ABI3BP: variants seen among roughly 807,000 people sequenced by gnomAD.
ABI3BP encodes the protein ABI family member 3 binding protein.
ABI3BP carries 216 observed loss-of-function variants against 268.6 expected under a neutral mutation model. The ratio of observed to expected loss-of-function variants is 0.80; its 90% CI spans 0.72 to 0.90. The LOEUF (loss-of-function observed/expected upper bound fraction) is 0.90, where lower values mean the gene tolerates loss of function less well. ABI3BP is among the 40% of genes least tolerant of loss of function. The pLI is 0.00. For missense variants in ABI3BP, 2,090 were observed against 2,182.4 expected (o/e 0.96, Z 0.84); for synonymous variants, 730 against 730.0 (o/e 1.00, Z 0.00).
In ABI3BP at chr3:100,813,173, GC is replaced by G. The variant is rs1438242472; in HGVS notation, c.3364+487del. ...TGGGATTACAGGTGTGAGCCACTAT[GC>G]CTGGCCTATTTACAAGCTTGAAGGG... is the stretch of plus-strand genomic sequence containing the variant. On this transcript the variant is annotated intron_variant, in intron 45 of 67. Transcript: ENST00000471714. Among the ~76,000 whole-genome samples, 13 of 152,282 alleles carry G rather than the reference GC, an allele frequency of 8.5e-5. No homozygotes were observed. The East Asian group carries it at 2.5e-3, about 29-fold the overall frequency.
intron 4 of ABI3BP, among the ~76,000 whole-genome samples, chr3:100,896,169 G>A (rs750508791): frequency 1.3e-5 from 2 of 152,182 alleles, no homozygotes; most frequent in Non-Finnish European, 2.9e-5. Context: ...ATATTGTGAT[G>A]TGATGTGCCT....
chr3:100,815,781 T>A, intron 44 of ABI3BP, 131 bp downstream of exon 44: 1 of 601,648 alleles, frequency 1.7e-6, no homozygotes, highest in African/African-American at 1.9e-5. Flanking sequence ...AACTGCTGAC[T>A]ATTTTAAAAT....
At chr3:100,917,771 T>G (rs1460976678) in intron 2 of ABI3BP, among the ~76,000 whole-genome samples, 2 of 152,192 alleles carry the variant, frequency 1.3e-5, no homozygotes, top group Non-Finnish European at 2.9e-5. Context: ...AAAGATAGAC[T>G]TGGTGACAGT....
chr3:100,814,206 A>G (rs184997826), intron 44 of ABI3BP, among the ~76,000 whole-genome samples: 1 of 152,286 alleles, frequency 6.6e-6, no homozygotes, highest in East Asian at 1.9e-4. Flanking sequence ...CCTGATTCAA[A>G]ATGTCCTTCT....
chr3:100,793,056 G>A lies in ABI3BP; in HGVS notation c.3947-288C>T, dbSNP rs984252288. On this transcript the variant is annotated intron_variant, in intron 54 of 67. Coordinates refer to ENST00000471714, the MANE Select transcript of ABI3BP (RefSeq NM_001375547.2). ...CTAGTTGTGGCTATTCTTGGATATG[G>A]CTCATGTATGAAAGTCTCCTAGTTG... Among the ~76,000 whole-genome samples the A allele has an allele frequency of 4.5e-4, 68 of 151,602 alleles. 2 individuals carry two copies. Among genetic ancestry groups the A allele is most frequent in the Admixed American group, 1.3e-4 (2 of 15,176 alleles).
chr3:100,951,588 T>A (rs2075050492), intron 1 of ABI3BP, among the ~76,000 whole-genome samples: 1 of 151,982 alleles, frequency 6.6e-6, no homozygotes, highest in Non-Finnish European at 1.5e-5. Flanking sequence ...ACCATCATTA[T>A]CTTTCTCAAA....
At chr3:100,861,001 C>T (rs2098992336) in intron 14 of ABI3BP, among the ~76,000 whole-genome samples, 2 of 152,138 alleles carry the variant, frequency 1.3e-5, no homozygotes, top group South Asian at 2.1e-4. Context: ...CAGAGGCTCA[C>T]TCAGTATGAA....
At chr3:100,850,218 C>G in intron 16 of ABI3BP, 99 bp from the exon 17 acceptor site, 1 of 995,400 alleles carries the variant, frequency 1.0e-6, no homozygotes. Flanking sequence ...GCACATGCCA[C>G]GAGTACATGA....
At chr3:100,881,603 T>A (rs2039284846) in intron 6 of ABI3BP, among the ~76,000 whole-genome samples, 1 of 151,914 alleles carries the variant, frequency 6.6e-6, no homozygotes, top group African/African-American at 2.4e-5. Context: ...CTTTATTTTT[T>A]AAAATAATAA....
At chr3:100,844,158 ATC>A in intron 20 of ABI3BP, 1 of 985,462 alleles carries the variant, frequency 1.0e-6, no homozygotes, top group Non-Finnish European at 1.2e-6. Flanking sequence ...TAAGCCACTC[ATC>A]TCAGCACAAA....
intron 41 of ABI3BP, among the ~76,000 whole-genome samples, chr3:100,817,871 CT>C (rs1322815132): frequency 3.9e-5 from 6 of 152,102 alleles, no homozygotes; most frequent in Admixed American, 1.3e-4. Context: ...TAACTACTGT[CT>C]AAGTAACTAT....
rs200430556 is a variant in ABI3BP at position 100,848,833 on chromosome 3, C to A, written c.1544G>T (p.Arg515Leu). Residue 515 changes from arginine to leucine, a missense_variant, in exon 18 of 68, where the codon CGC becomes CTC. Transcript: ENST00000471714. ...TTSIPSTPKR[R>L]PRPKPPRTKP... ...GGTTCTTGGCGGTTTGGGCCGGGGG[C>A]GTCGTTTAGGTGTAGAAGGGATAGA... is the stretch of plus-strand genomic sequence containing the variant. The A allele has an allele frequency of 1.9e-6, 3 of 1,612,882 alleles. No homozygotes were observed. In the South Asian group the frequency reaches 3.3e-5, roughly 18 times the overall value.
intron 63 of ABI3BP, among the ~76,000 whole-genome samples, chr3:100,762,690 C>T (rs10936355): frequency 0.37 from 55,737 of 151,966 alleles, 10,454 homozygotes; most frequent in South Asian, 0.48. Flanking sequence ...TTTAATATTT[C>T]AGCCCAAACA....
intron 38 of ABI3BP, among the ~76,000 whole-genome samples, chr3:100,821,629 G>C (rs2098230600): frequency 7.2e-6 from 1 of 138,742 alleles, no homozygotes; most frequent in Non-Finnish European, 1.5e-5. Context: ...TTGAGATGGA[G>C]TCTTGCTCTG....
chr3:100,811,405 G>A, intron 47 of ABI3BP, 128 bp from the exon 48 acceptor site: 1 of 698,646 alleles, frequency 1.4e-6, no homozygotes, highest in Admixed American at 3.1e-5. Flanking sequence ...ATTTAGACAG[G>A]AAAAAAGAAT....
At position 100,869,330 on chromosome 3, in the gene ABI3BP, G is replaced by GTTTTTTTTTTTTTTTTTTTT. The variant is rs144604645; in HGVS notation, c.911-2394_911-2375dup. Among the ~76,000 whole-genome samples, 262 of 49,758 alleles carry GTTTTTTTTTTTTTTTTTTTT rather than the reference G, an allele frequency of 5.3e-3. 51 individuals carry two copies. The highest frequency in any genetic ancestry group is 0.023 in the Middle Eastern group (1 of 44). 32.6% of individuals were successfully genotyped at this position (49,758 alleles called of 152,430 possible). A position where few individuals can be genotyped will look rare whatever the true frequency, so the allele number is the denominator to read the frequency against. On this transcript the variant is annotated intron_variant, in intron 9 of 67. Transcript: ENST00000471714. ...ATATTGTTTTTTCTTCTTCTTTTTG[G>GTTTTTTTTTTTTTTTTTTTT]TTTTTTTTTTTTTTTTTTTTTTTTT...
chr3:100,884,871 C>A (rs1363675138), intron 6 of ABI3BP, among the ~76,000 whole-genome samples: 1 of 152,078 alleles, frequency 6.6e-6, no homozygotes, highest in East Asian at 1.9e-4. Flanking sequence ...ATTTGAAATG[C>A]GAACATGTCT....
intron 4 of ABI3BP, among the ~76,000 whole-genome samples, chr3:100,887,719 G>T (rs959996937): frequency 5.3e-5 from 8 of 152,044 alleles, no homozygotes; most frequent in Non-Finnish European, 7.4e-5. Context: ...TAAGATTAAG[G>T]TTACTTGCTT....
At chr3:100,918,216 G>A (rs977789478) in intron 2 of ABI3BP, among the ~76,000 whole-genome samples, 15 of 151,494 alleles carry the variant, frequency 9.9e-5, no homozygotes, top group Non-Finnish European at 2.1e-4. Context: ...ATCTTAAATC[G>A]TACCCACAGC....
Sources: allele counts gnomAD v4.1 joint callset (sites outside exome capture counted in the v4.1 genomes callset), GRCh38; gene constraint gnomAD v4.1.1; transcripts MANE v1.5; gene names NCBI Gene and HGNC (gene_info 2026-07-23, HGNC 2026-07-21).